Variants in PRKCH observed in about 807,000 individuals in gnomAD.
PRKCH encodes protein kinase C eta.
In PRKCH, 28 loss-of-function variants were observed where a neutral mutation model predicts 82.5. The observed-to-expected ratio is 0.34, with a 90% CI of 0.25 to 0.47. The LOEUF is 0.47. PRKCH is among the 20% of genes least tolerant of loss of function. The probability of loss-of-function intolerance (pLI) is 1.00; values close to 1 mark genes in which losing one functional copy is unlikely to be tolerated. For synonymous variants in PRKCH, 322 were observed against 327.4 expected (o/e 0.98, Z 0.18); for missense variants, 705 against 881.8 (o/e 0.80, Z 2.54).
intron 1 of PRKCH, chr14:61,279,931 C>T (rs956352745): frequency 4.6e-6 from 3 of 649,596 alleles, no homozygotes; most frequent in Non-Finnish European, 5.2e-6. Context: ...TCTAGCAGCC[C>T]CCCAAGAGCA....
chr14:61,294,080 C>CAG (rs1472153443), intron 1 of PRKCH, among the ~76,000 whole-genome samples: 1 of 152,124 alleles, frequency 6.6e-6, no homozygotes, highest in Non-Finnish European at 1.5e-5. Context: ...TGGGATTTAA[C>CAG]AGAGAGACAC....
Position 61,332,292 on chromosome 14 carries a change from A to T in PRKCH, c.363+9828A>T, listed in dbSNP as rs546924605. ...TTTAAGTGCTGTGTTAAAGAATTTT[A>T]TGAGACAGGAAATTTTTGTTGAGAA... On this transcript the variant is annotated intron_variant, in intron 1 of 13. Coordinates refer to ENST00000332981, the MANE Select transcript of PRKCH (RefSeq NM_006255.5). Among the ~76,000 whole-genome samples, 11 of 152,344 alleles carry T rather than the reference A, an allele frequency of 7.2e-5. No individual in the cohort carries two copies. In the South Asian group the frequency reaches 2.1e-3, roughly 29 times the overall value.
At chr14:61,529,375 T>C (rs2043015133) in intron 11 of PRKCH, 162 bp downstream of exon 11, 1 of 697,246 alleles carries the variant, frequency 1.4e-6, no homozygotes, top group African/African-American at 1.9e-5. Flanking sequence ...GGGTGAATGA[T>C]GGCTGAAAAT....
At chr14:61,267,148 A>G (rs1031913893) in intron 1 of PRKCH, among the ~76,000 whole-genome samples, 2 of 152,198 alleles carry the variant, frequency 1.3e-5, no homozygotes, top group African/African-American at 4.8e-5. Flanking sequence ...TCTTTTCCCT[A>G]TAACTTTGAA....
At position 61,549,959 on chromosome 14, in the gene PRKCH, G is replaced by C; in HGVS notation, c.*128G>C. 3.0e-6 allele frequency: 3 copies of C among 1,008,368 alleles called. No homozygotes were observed. The highest frequency in any genetic ancestry group is 4.3e-6 in the Non-Finnish European group (3 of 696,644). 62.5% of individuals were successfully genotyped at this position (1,008,368 alleles called of 1,614,324 possible). A position where few individuals can be genotyped will look rare whatever the true frequency, so the allele number is the denominator to read the frequency against. On this transcript the variant is annotated 3_prime_UTR_variant, in exon 14 of 14. Coordinates refer to ENST00000332981, the MANE Select transcript of PRKCH (RefSeq NM_006255.5). ...ACCTTACCTTCAAGGAGCAAGTGAA[G>C]AACTCTGTGAAGGATGGAACTTTCA...
Position 61,484,492 on chromosome 14 carries a change from G to C in PRKCH, c.1279-1010G>C, listed in dbSNP as rs1418507414. On this transcript the variant is annotated intron_variant, in intron 9 of 13. Transcript: ENST00000332981. The stretch of plus-strand genomic sequence containing the variant: ...CTTGAAGCAAAACGTTTTACACTTA[G>C]ATAAATCTTGGATCACTTTTTAAAT... Among the ~76,000 whole-genome samples the C allele has an allele frequency of 9.9e-5, 15 of 151,540 alleles. 1 individual carries two copies.
chr14:61,321,186 G>T (rs2140115684), upstream of PRKCH, among the ~76,000 whole-genome samples: 1 of 152,334 alleles, frequency 6.6e-6, no homozygotes, highest in South Asian at 2.1e-4. This position sits in a 1 kb window ranked among gnomAD's most constrained non-coding sequence, Gnocchi z 4.1. Context: ...CCTCCGGCCA[G>T]GGCCTCTTGG....
chr14:61,291,736 A>G (rs1243854999), intron 1 of PRKCH, among the ~76,000 whole-genome samples: 1 of 152,178 alleles, frequency 6.6e-6, no homozygotes, highest in African/African-American at 2.4e-5. Flanking sequence ...TAAACACTGT[A>G]TCTAATCCTC....
At chr14:61,411,906 A>T (rs1882287315) in intron 2 of PRKCH, among the ~76,000 whole-genome samples, 1 of 152,244 alleles carries the variant, frequency 6.6e-6, no homozygotes, top group Non-Finnish European at 1.5e-5. Flanking sequence ...TGCTTCTGCC[A>T]CCAACCAGAC....
At chr14:61,295,874 T>A (rs900944715) in intron 1 of PRKCH, among the ~76,000 whole-genome samples, 9 of 152,248 alleles carry the variant, frequency 5.9e-5, no homozygotes, top group Admixed American at 1.3e-4. Context: ...CTTTTTTTTT[T>A]AAACCCTTTG....
chr14:61,276,376 G>A (rs1299050791), intron 1 of PRKCH, among the ~76,000 whole-genome samples: 1 of 148,374 alleles, frequency 6.7e-6, no homozygotes, highest in Non-Finnish European at 1.5e-5. Context: ...TTGTTTTTAA[G>A]ACAGAGTCTC....
At chr14:61,536,908 T>C (rs1265437275) in intron 12 of PRKCH, among the ~76,000 whole-genome samples, 1 of 152,162 alleles carries the variant, frequency 6.6e-6, no homozygotes, top group Non-Finnish European at 1.5e-5. Flanking sequence ...GTTCTTTGTG[T>C]ATAGCTGTTC....
At chr14:61,539,248 A>T (rs2043150998) in intron 12 of PRKCH, among the ~76,000 whole-genome samples, 1 of 152,206 alleles carries the variant, frequency 6.6e-6, no homozygotes, top group Non-Finnish European at 1.5e-5. Flanking sequence ...AATAATGATT[A>T]TAAAACCCAG....
At chr14:61,311,558 T>C (rs917312541) in intron 1 of PRKCH, among the ~76,000 whole-genome samples, 2 of 152,214 alleles carry the variant, frequency 1.3e-5, no homozygotes, top group Non-Finnish European at 2.9e-5. Context: ...CGTCTGCGTG[T>C]TACCCAGTTC....
intron 1 of PRKCH, among the ~76,000 whole-genome samples, chr14:61,356,812 G>A (rs538546465): frequency 6.6e-6 from 1 of 152,294 alleles, no homozygotes; most frequent in African/African-American, 2.4e-5. Flanking sequence ...CTCCCAAGTA[G>A]GTGGGATGAC....
intron 1 of PRKCH, among the ~76,000 whole-genome samples, chr14:61,208,711 C>T (rs929361817): frequency 2.6e-5 from 4 of 152,096 alleles, no homozygotes; most frequent in East Asian, 1.9e-4. Context: ...TTTTTAACAA[C>T]GATTGATAAA....
intron 2 of PRKCH, among the ~76,000 whole-genome samples, chr14:61,408,569 G>A (rs1464825165): frequency 6.6e-6 from 1 of 152,136 alleles, no homozygotes. Context: ...AGCAATGGTT[G>A]CCTTATGTGT....
intron 2 of PRKCH, among the ~76,000 whole-genome samples, chr14:61,430,599 G>A (rs1359072103): frequency 6.6e-6 from 1 of 152,186 alleles, no homozygotes; most frequent in African/African-American, 2.4e-5. Flanking sequence ...AGCGGGGCAG[G>A]AGAGGCCCCC....
At chr14:61,478,773 A>G (rs1029260834) in intron 9 of PRKCH, among the ~76,000 whole-genome samples, 1 of 152,064 alleles carries the variant, frequency 6.6e-6, no homozygotes, top group East Asian at 1.9e-4. Flanking sequence ...GGTTGGAAGG[A>G]TCACTTAAGC....
Sources: gnomAD v4.1 joint callset for allele counts (sites outside exome capture counted in the v4.1 genomes callset) on GRCh38, gnomAD v4.1.1 for gene constraint, Gnocchi (gnomAD v3.1) non-coding constraint, MANE v1.5 for transcripts, NCBI Gene and HGNC (gene_info 2026-07-23, HGNC 2026-07-21) for gene names.